FZD3: variants seen among roughly 807,000 people sequenced by gnomAD.
FZD3 encodes frizzled class receptor 3.
In FZD3, 30 loss-of-function variants were observed where a neutral mutation model predicts 60.7. The observed-to-expected ratio is 0.49, with a 90% confidence interval of 0.37 to 0.67. FZD3 has a LOEUF of 0.67. Ranked by LOEUF, FZD3 falls within the 30% of genes least tolerant of loss-of-function variation. FZD3 has a pLI of 0.00. For missense variants in FZD3, 605 were observed against 838.7 expected, an observed-to-expected ratio of 0.72 and a Z score of 3.44; for synonymous variants, 246 against 275.2, an observed-to-expected ratio of 0.89 and a Z score of 1.05.
chr8:28,513,855 A>G (rs969226978), intron 3 of FZD3, among the ~76,000 whole-genome samples: 3 of 152,208 alleles, frequency 2.0e-5, no homozygotes, highest in African/African-American at 4.8e-5. Flanking sequence ...CTCGTGAGTC[A>G]AATTTTGGCC....
chr8:28,531,689 G>T (rs556142872), intron 5 of FZD3, among the ~76,000 whole-genome samples: 14 of 152,004 alleles, frequency 9.2e-5, no homozygotes, highest in South Asian at 6.2e-4. Context: ...CTTATTATAC[G>T]TAAGGTTGAA....
rs1259252024 is a variant in FZD3, at chr8:28,565,944, A to G, written c.*2933A>G. 6.8e-6 allele frequency: 1 copy of G among 146,502 alleles called. No individual in the cohort carries two copies. Among genetic ancestry groups the G allele is most frequent in the African/African-American group, 2.5e-5 (1 of 39,530 alleles). The allele number at this position is 146,502 out of a possible 1,614,324, so 9.1% of individuals were successfully genotyped here. A position where few individuals can be genotyped will look rare whatever the true frequency, so the allele number is the denominator to read the frequency against. ...CTCTAACATGTTAATATATTATCAA[A>G]AGGTTTTCAAAAAGTACTTTGATTT... On this transcript the variant is annotated 3_prime_UTR_variant, in exon 8 of 8. Transcript: ENST00000240093.
chr8:28,539,111 C>T (rs1410781494), intron 5 of FZD3, among the ~76,000 whole-genome samples: 6 of 152,124 alleles, frequency 3.9e-5, no homozygotes, highest in East Asian at 3.8e-4. Flanking sequence ...CCCCTACCCC[C>T]GAGCGATGGA....
chr8:28,561,731 A>G (rs1182423846), intron 7 of FZD3, among the ~76,000 whole-genome samples: 1 of 152,210 alleles, frequency 6.6e-6, no homozygotes, highest in Non-Finnish European at 1.5e-5. Flanking sequence ...AGAATGGCAT[A>G]TATATAGGTG....
intron 3 of FZD3, among the ~76,000 whole-genome samples, chr8:28,513,184 ATTTTC>A (rs1226781543): frequency 6.6e-6 from 1 of 152,076 alleles, no homozygotes; most frequent in Non-Finnish European, 1.5e-5. Flanking sequence ...TTTTTAATTT[ATTTTC>A]TTGTGTGACA....
intron 5 of FZD3, among the ~76,000 whole-genome samples, chr8:28,538,429 G>A (rs1805076440): frequency 6.6e-6 from 1 of 152,004 alleles, no homozygotes; most frequent in Non-Finnish European, 1.5e-5. Context: ...CCTCACATTA[G>A]CCCAGTAAGT....
intron 5 of FZD3, among the ~76,000 whole-genome samples, chr8:28,535,660 A>G (rs2130408126): frequency 6.6e-6 from 1 of 152,240 alleles, no homozygotes; most frequent in Admixed American, 6.5e-5. Flanking sequence ...TTGAATGCCT[A>G]AATTCTGAAT....
rs764463632 is a variant in FZD3 at position 28,503,002 on chromosome 8, G to C, written c.-12G>C. 1.2e-6 allele frequency: 2 copies of C among 1,600,702 alleles called. No individual in the cohort carries two copies. The highest frequency in any genetic ancestry group is 1.7e-6 in the Non-Finnish European group (2 of 1,168,926). On this transcript the variant is annotated 5_prime_UTR_variant, in exon 3 of 8. Transcript: ENST00000240093. ...GGCCTGATCATCTGAATCTCCTTCA[G>C]ACCCAGGAAGGATGGCTATGACTTG...
At chr8:28,512,994 TA>T (rs1804328834) in intron 3 of FZD3, among the ~76,000 whole-genome samples, 1 of 152,158 alleles carries the variant, frequency 6.6e-6, no homozygotes, top group East Asian at 1.9e-4. Context: ...TTTACTTTAT[TA>T]TTTTTTGTTG....
intron 5 of FZD3, among the ~76,000 whole-genome samples, chr8:28,536,791 A>T (rs1032246124): frequency 1.3e-5 from 2 of 152,212 alleles, no homozygotes. Flanking sequence ...CTGTTGTTTT[A>T]TCTAGTCTTG....
intron 7 of FZD3, among the ~76,000 whole-genome samples, chr8:28,560,288 A>G (rs1251224272): frequency 6.6e-6 from 1 of 152,220 alleles, no homozygotes; most frequent in Non-Finnish European, 1.5e-5. Context: ...TTATATTAAA[A>G]TTAATTTACA....
intron 3 of FZD3, among the ~76,000 whole-genome samples, chr8:28,512,023 G>A (rs1804303368): frequency 6.6e-6 from 1 of 152,126 alleles, no homozygotes; most frequent in Non-Finnish European, 1.5e-5. Flanking sequence ...ATCTCCTAGG[G>A]TTATAAATAG....
chr8:28,511,592 T>A (rs1449194884), intron 3 of FZD3, among the ~76,000 whole-genome samples: 1 of 152,236 alleles, frequency 6.6e-6, no homozygotes, highest in Non-Finnish European at 1.5e-5. Context: ...TAGCATTCCT[T>A]AAGTCTATCA....
At chr8:28,496,390 C>T (rs1471629454) in intron 1 of FZD3, among the ~76,000 whole-genome samples, 5 of 152,132 alleles carry the variant, frequency 3.3e-5, no homozygotes, top group Non-Finnish European at 2.9e-5. Context: ...ACAATTCTTA[C>T]CACTTCTTTG....
At position 28,565,070 on chromosome 8, in the gene FZD3, C is replaced by CAA. The variant is rs10626354; in HGVS notation, c.*2061_*2062dup. 0.59 allele frequency: 89,336 copies of CAA among 151,790 alleles called. 26,456 individuals carry two copies. Among genetic ancestry groups the CAA allele is most frequent in the East Asian group, 0.65 (3,327 of 5,150 alleles). The allele number at this position is 151,790 out of a possible 1,614,324, so 9.4% of individuals were successfully genotyped here. A position where few individuals can be genotyped will look rare whatever the true frequency, so the allele number is the denominator to read the frequency against. The stretch of plus-strand genomic sequence containing the variant: ...ATACTTTCTTTCTTACCCTTTAAAA[C>CAA]AAACTGCCAAGAAATTAGGTGTTGA... On this transcript the variant is annotated 3_prime_UTR_variant, in exon 8 of 8. Transcript: ENST00000240093.
Position 28,563,682 on chromosome 8 carries a change from A to G in FZD3, c.*671A>G, listed in dbSNP as rs1056885294. ...TAAAGAGATGGGCATTGTTTCCCCT[A>G]TAATTGTGCTGTTTTTATAACTTTT... On this transcript the variant is annotated 3_prime_UTR_variant, in exon 8 of 8. Coordinates refer to ENST00000240093, the MANE Select transcript of FZD3 (RefSeq NM_017412.4). 5 of 152,192 alleles carry G rather than the reference A, an allele frequency of 3.3e-5. No homozygotes were observed. In the East Asian group the frequency reaches 7.7e-4, roughly 23 times the overall value. 9.4% of individuals were successfully genotyped at this position (152,192 alleles called of 1,614,324 possible). A position where few individuals can be genotyped will look rare whatever the true frequency, so the allele number is the denominator to read the frequency against.
rs893729263 is a variant in FZD3, at chr8:28,574,047, C to G, written c.*11036C>G. 1.3e-5 allele frequency: 2 copies of G among 152,096 alleles called. No individual in the cohort carries two copies. Among genetic ancestry groups the G allele is most frequent in the African/African-American group, 4.8e-5 (2 of 41,426 alleles). The allele number at this position is 152,096 out of a possible 1,614,324, so 9.4% of individuals were successfully genotyped here. A position where few individuals can be genotyped will look rare whatever the true frequency, so the allele number is the denominator to read the frequency against. ...TGTTGGGATGTACAGGGCAAGTGCACTTGGTTAGAGCATGAACTGGGAATT... is the reference window on the plus strand; with the variant it reads ...TGTTGGGATGTACAGGGCAAGTGCAGTTGGTTAGAGCATGAACTGGGAATT... On this transcript the variant is annotated 3_prime_UTR_variant, in exon 8 of 8. Transcript: ENST00000240093.
In FZD3 at chr8:28,572,557, T is replaced by G. The variant is rs1202732881; in HGVS notation, c.*9546T>G. On this transcript the variant is annotated 3_prime_UTR_variant, in exon 8 of 8. Transcript: ENST00000240093. Reference sequence around the variant, plus strand: ...ATAAGACTTTCACTAAATCTGTGCGTAAAGCTTTTATAATCTGAGATATTG... The same window carrying G: ...ATAAGACTTTCACTAAATCTGTGCGGAAAGCTTTTATAATCTGAGATATTG... The G allele has an allele frequency of 1.3e-5, 2 of 152,206 alleles. No homozygotes were observed. The highest frequency in any genetic ancestry group is 2.4e-5 in the African/African-American group (1 of 41,464). The allele number at this position is 152,206 out of a possible 1,614,324, so 9.4% of individuals were successfully genotyped here.
chr8:28,533,449 C>A (rs1804930510), intron 5 of FZD3, among the ~76,000 whole-genome samples: 1 of 152,092 alleles, frequency 6.6e-6, no homozygotes, highest in African/African-American at 2.4e-5. Context: ...CATTTATTGT[C>A]AATGTTTTAA....
Sources: gnomAD v4.1 joint callset for allele counts (sites outside exome capture counted in the v4.1 genomes callset) on GRCh38, gnomAD v4.1.1 for gene constraint, MANE v1.5 for transcripts, NCBI Gene and HGNC (gene_info 2026-07-23, HGNC 2026-07-21) for gene names.